The following ZNF385D variants were observed in gnomAD, a reference collection of about 807,000 sequenced individuals.
ZNF385D encodes the protein zinc finger protein 385D, also known as zinc finger protein 659.
In ZNF385D, 15 loss-of-function variants were observed where a neutral mutation model predicts 35.8. That is an observed-to-expected ratio of 0.42 (90% CI 0.28 to 0.64). The LOEUF (loss-of-function observed/expected upper bound fraction) is 0.64. ZNF385D is among the 30% of genes least tolerant of loss of function. ZNF385D has a pLI of 0.23. For missense variants in ZNF385D, 474 were observed against 494.6 expected (o/e 0.96, Z 0.39); for synonymous variants, 212 against 186.8 (o/e 1.13, Z -1.10).
intron 2 of ZNF385D, among the ~76,000 whole-genome samples, chr3:22,367,376 G>A (rs943951534): frequency 6.6e-6 from 1 of 152,096 alleles, no homozygotes; most frequent in Admixed American, 6.5e-5. Context: ...GCTACACTAT[G>A]CTAAATAACT....
At chr3:21,477,179 A>C (rs778298725) in intron 4 of ZNF385D, among the ~76,000 whole-genome samples, 1 of 152,162 alleles carries the variant, frequency 6.6e-6, no homozygotes, top group African/African-American at 2.4e-5. Flanking sequence ...CAGGAGTTCA[A>C]AACCAGCCTG....
intron 2 of ZNF385D, among the ~76,000 whole-genome samples, chr3:22,224,468 A>G (rs909711129): frequency 2.0e-5 from 3 of 152,178 alleles, no homozygotes; most frequent in Admixed American, 6.5e-5. Context: ...AGAAACTTCA[A>G]ATGGTTTTAC....
At chr3:22,063,107 T>C (rs1219186502) in intron 3 of ZNF385D, among the ~76,000 whole-genome samples, 1 of 152,202 alleles carries the variant, frequency 6.6e-6, no homozygotes, top group Non-Finnish European at 1.5e-5. Context: ...AGATATAAGG[T>C]ACTTTTCTCA....
rs769745278 is a variant in ZNF385D, at chr3:22,238,516, C to T, written c.107-69481G>A. On this transcript the variant is annotated intron_variant, in intron 2 of 5. Transcript: ENST00000494108. ...ATAATAATTTATAGTATTTAGTATA[C>T]AAGTTTTACACTTATTTTGTTTAAT... is the stretch of plus-strand genomic sequence containing the variant. 5.3e-5 allele frequency among the ~76,000 whole-genome samples: 8 copies of T among 150,670 alleles called. 2 individuals are homozygous for T. The South Asian group carries it at 1.7e-3, about 33-fold the overall frequency.
chr3:21,473,199 A>C (rs1450861999), intron 4 of ZNF385D, among the ~76,000 whole-genome samples: 1 of 152,000 alleles, frequency 6.6e-6, no homozygotes, highest in East Asian at 1.9e-4. Context: ...AGTTTGCAAA[A>C]CTCTAGTATG....
chr3:22,266,954 T>C (rs550256216), intron 2 of ZNF385D, among the ~76,000 whole-genome samples: 12 of 151,996 alleles, frequency 7.9e-5, no homozygotes, highest in Non-Finnish European at 1.6e-4. Context: ...GTAACGACAA[T>C]AAATATAGTA....
At chr3:21,485,367 A>G (rs983873419) in intron 4 of ZNF385D, among the ~76,000 whole-genome samples, 29 of 152,280 alleles carry the variant, frequency 1.9e-4, no homozygotes, top group African/African-American at 5.5e-4. Flanking sequence ...GGCAAGCTCT[A>G]CTAAATACTG....
At chr3:21,753,433 G>T (rs9874150), upstream of ZNF385D, among the ~76,000 whole-genome samples, 1 of 151,924 alleles carries the variant, frequency 6.6e-6, no homozygotes, top group Non-Finnish European at 1.5e-5. Context: ...GGGAGCATCT[G>T]GTAATAGAAC....
At chr3:22,042,308 T>C (rs7622564) in intron 3 of ZNF385D, among the ~76,000 whole-genome samples, 2,401 of 152,202 alleles carry the variant, frequency 0.016, 66 homozygotes, top group African/African-American at 0.055. Flanking sequence ...ACAAGGAACT[T>C]AGATTAGTGT....
intron 3 of ZNF385D, among the ~76,000 whole-genome samples, chr3:22,083,939 A>G (rs1466601347): frequency 2.0e-5 from 3 of 152,210 alleles, no homozygotes; most frequent in African/African-American, 7.2e-5. Flanking sequence ...AACATTCTTA[A>G]AGAAAAGAAT....
chr3:21,752,392 A>C (rs2070144207), upstream of ZNF385D, among the ~76,000 whole-genome samples: 1 of 152,210 alleles, frequency 6.6e-6, no homozygotes, highest in Admixed American at 6.5e-5. Context: ...GGGCTTTTAT[A>C]AAAGTGTGAT....
intron 1 of ZNF385D, among the ~76,000 whole-genome samples, chr3:21,700,571 C>G (rs568964528): frequency 3.3e-5 from 5 of 152,280 alleles, no homozygotes; most frequent in Admixed American, 3.3e-4. Context: ...CCTAAGTACA[C>G]TCTGGCTCTG....
At chr3:21,709,987 A>G (rs544685566) in intron 1 of ZNF385D, among the ~76,000 whole-genome samples, 2 of 152,338 alleles carry the variant, frequency 1.3e-5, no homozygotes, top group South Asian at 4.1e-4. Flanking sequence ...TTGATACACA[A>G]AACATGGATG....
chr3:22,346,201 C>T (rs1292696747), intron 2 of ZNF385D, among the ~76,000 whole-genome samples: 1 of 152,128 alleles, frequency 6.6e-6, no homozygotes, highest in African/African-American at 2.4e-5. Flanking sequence ...ATTTATAAGC[C>T]AGGCTCCATA....
chr3:22,194,651 T>TAAAAAGGG (rs1696284401), intron 2 of ZNF385D, among the ~76,000 whole-genome samples: 2 of 151,910 alleles, frequency 1.3e-5, no homozygotes, highest in African/African-American at 4.8e-5. Flanking sequence ...CTTCCTTGTG[T>TAAAAAGGG]TATTCATTTG....
chr3:22,340,005 C>G (rs907637566), intron 2 of ZNF385D, among the ~76,000 whole-genome samples: 1 of 152,150 alleles, frequency 6.6e-6, no homozygotes. Flanking sequence ...CAGTCATGTA[C>G]TCATACTTAT....
chr3:22,231,120 A>G (rs1355310094), intron 2 of ZNF385D, among the ~76,000 whole-genome samples: 2 of 152,172 alleles, frequency 1.3e-5, no homozygotes, highest in Non-Finnish European at 2.9e-5. Context: ...CAACAATAGG[A>G]ACAGGGCAAA....
rs559030535 is a variant in ZNF385D, at chr3:21,760,549, A to T, written c.326-95521T>A. Among the ~76,000 whole-genome samples, 370 of 152,356 alleles carry T rather than the reference A, an allele frequency of 2.4e-3. 1 individual carries two copies. Among genetic ancestry groups the T allele is most frequent in the African/African-American group, 8.6e-3 (358 of 41,592 alleles). On this transcript the variant is annotated intron_variant, in intron 3 of 5. Transcript: ENST00000494108. Reference sequence around the variant, plus strand: ...ATTTCATATTTAAAATTATAAAATCATGGGAAACATAAATATCTAATCCAT... The same window carrying T: ...ATTTCATATTTAAAATTATAAAATCTTGGGAAACATAAATATCTAATCCAT...
chr3:22,284,643 C>T lies in ZNF385D; in HGVS notation c.106+87807G>A, dbSNP rs938415099. Among the ~76,000 whole-genome samples the T allele has an allele frequency of 1.6e-4, 24 of 152,020 alleles. 1 individual carries two copies. Among genetic ancestry groups the T allele is most frequent in the Admixed American group, 1.1e-3 (17 of 15,254 alleles). On this transcript the variant is annotated intron_variant, in intron 2 of 5. Coordinates refer to the ZNF385D transcript ENST00000494108. ...AAAAGTACAGCTGTAACTGAAAGGC[C>T]TATTCACTGCATGTAAAATAAAGGA...
Sources: allele counts gnomAD v4.1 joint callset (sites outside exome capture counted in the v4.1 genomes callset), GRCh38; gene constraint gnomAD v4.1.1; transcripts MANE v1.5; gene names NCBI Gene and HGNC (gene_info 2026-07-23, HGNC 2026-07-21).